Variants in DLG2 observed in about 807,000 individuals in gnomAD.
The protein encoded by DLG2 is disks large homolog 2.
Under a neutral mutation model 132.5 loss-of-function variants are expected in DLG2, and 45 were observed. The ratio of observed to expected loss-of-function variants is 0.34; its 90% confidence interval spans 0.27 to 0.44. DLG2 has a LOEUF of 0.44. DLG2 is among the 20% of genes least tolerant of loss of function. The probability of loss-of-function intolerance (pLI) is 1.00; values close to 1 mark genes in which losing one functional copy is unlikely to be tolerated. For missense variants in DLG2, 1,045 were observed against 1,196.9 expected, an observed-to-expected ratio of 0.87 and a Z score of 1.87; for synonymous variants, 424 against 419.6, an observed-to-expected ratio of 1.01 and a Z score of -0.13.
At chr11:83,784,410 T>C (rs1050400330) in intron 18 of DLG2, among the ~76,000 whole-genome samples, 7 of 152,238 alleles carry the variant, frequency 4.6e-5, no homozygotes, top group African/African-American at 1.7e-4. Flanking sequence ...TTGCTTGATG[T>C]TGCCATTACC....
chr11:84,219,597 T>C (rs1056454912), intron 8 of DLG2, among the ~76,000 whole-genome samples: 2 of 152,252 alleles, frequency 1.3e-5, no homozygotes, highest in African/African-American at 4.8e-5. Flanking sequence ...CTTACTGACC[T>C]ATATTTTTTC....
At chr11:83,820,338 C>A (rs1203432495) in intron 17 of DLG2, among the ~76,000 whole-genome samples, 1 of 152,122 alleles carries the variant, frequency 6.6e-6, no homozygotes, top group Non-Finnish European at 1.5e-5. Context: ...TTGGTTTCTT[C>A]ATAAAAAGTT....
chr11:84,806,339 C>T (rs1419112522), intron 6 of DLG2, among the ~76,000 whole-genome samples: 1 of 151,856 alleles, frequency 6.6e-6, no homozygotes, highest in East Asian at 1.9e-4. Context: ...TGAGCAAAAC[C>T]CAAATAGGAT....
chr11:83,462,270 C>T, intron 26 of DLG2, 177 bp from the exon 27 acceptor site: 2 of 552,810 alleles, frequency 3.6e-6, no homozygotes, highest in Non-Finnish European at 6.5e-6. Flanking sequence ...GGACTCACGG[C>T]CAGAAAGCTC....
At chr11:85,537,885 G>A (rs1354250458) in intron 3 of DLG2, among the ~76,000 whole-genome samples, 1 of 151,950 alleles carries the variant, frequency 6.6e-6, no homozygotes, top group African/African-American at 2.4e-5. Context: ...GGGAGGCCCA[G>A]GTGGGTGGAT....
intron 6 of DLG2, among the ~76,000 whole-genome samples, chr11:85,109,292 T>C (rs971668809): frequency 7.2e-5 from 11 of 152,122 alleles, no homozygotes; most frequent in Non-Finnish European, 1.3e-4. Context: ...AGTAAATTTA[T>C]GAAACCAGTA....
At chr11:83,541,972 A>T in intron 19 of DLG2, 114 bp from the exon 20 acceptor site, 1 of 961,910 alleles carries the variant, frequency 1.0e-6, no homozygotes, top group South Asian at 2.1e-5. Flanking sequence ...CTTGATATCA[A>T]CTCCCGGAAT....
intron 22 of DLG2, among the ~76,000 whole-genome samples, chr11:83,475,364 T>C (rs1224052333): frequency 6.6e-6 from 1 of 152,148 alleles, no homozygotes; most frequent in Admixed American, 6.6e-5. Flanking sequence ...CTGGCTTTTA[T>C]GTCTCACAGG....
chr11:84,223,959 C>A (rs1416660399), intron 8 of DLG2, among the ~76,000 whole-genome samples: 1 of 152,218 alleles, frequency 6.6e-6, no homozygotes, highest in Admixed American at 6.5e-5. Flanking sequence ...GGAACCCAGC[C>A]TACTTTAATG....
chr11:83,748,938 A>G (rs1307078406), intron 18 of DLG2, among the ~76,000 whole-genome samples: 2 of 152,240 alleles, frequency 1.3e-5, no homozygotes, highest in African/African-American at 2.4e-5. Context: ...CTTTTAAAAG[A>G]TCAATTTATC....
chr11:85,561,348 A>AAAAAAAAAAAAAAAAAAAAAAAAAAAAAG, intron 3 of DLG2, among the ~76,000 whole-genome samples: 1 of 143,860 alleles, frequency 7.0e-6, no homozygotes, highest in Admixed American at 7.0e-5. Context: ...AAAAAAAAAA[A>AAAAAAAAAAAAAAAAAAAAAAAAAAAAAG]AAAAAAAAAA....
intron 7 of DLG2, among the ~76,000 whole-genome samples, chr11:84,528,914 A>C (rs1187877291): frequency 6.6e-6 from 1 of 152,170 alleles, no homozygotes; most frequent in Non-Finnish European, 1.5e-5. Context: ...ATATCACAGT[A>C]CTGTGCTGGA....
intron 7 of DLG2, among the ~76,000 whole-genome samples, chr11:84,395,763 T>C (rs2098808869): frequency 6.6e-6 from 1 of 152,214 alleles, no homozygotes; most frequent in African/African-American, 2.4e-5. Context: ...TTGTACATGA[T>C]AAAAGCATAC....
chr11:85,064,953 A>AT (rs1407573039), intron 6 of DLG2, among the ~76,000 whole-genome samples: 2 of 151,480 alleles, frequency 1.3e-5, no homozygotes, highest in Non-Finnish European at 1.5e-5. Flanking sequence ...GGTGAAAAAT[A>AT]TTTTTATGTA....
intron 8 of DLG2, among the ~76,000 whole-genome samples, chr11:84,222,264 T>G (rs2096926833): frequency 6.6e-6 from 1 of 152,184 alleles, no homozygotes; most frequent in Admixed American, 6.5e-5. Flanking sequence ...ACTCCTGTCC[T>G]CAGGTGATCC....
chr11:84,974,977 C>T (rs1368952818), intron 6 of DLG2, among the ~76,000 whole-genome samples: 1 of 152,146 alleles, frequency 6.6e-6, no homozygotes, highest in Non-Finnish European at 1.5e-5. Context: ...AGATATTATT[C>T]TCAGATTTTA....
intron 14 of DLG2, among the ~76,000 whole-genome samples, chr11:83,953,552 G>C (rs983062318): frequency 6.6e-6 from 1 of 152,120 alleles, no homozygotes; most frequent in African/African-American, 2.4e-5. Context: ...AGTGGTCCCT[G>C]GTGCCAAAAA....
At chr11:83,792,188 T>C (rs2041755464) in intron 17 of DLG2, among the ~76,000 whole-genome samples, 1 of 152,206 alleles carries the variant, frequency 6.6e-6, no homozygotes, top group Non-Finnish European at 1.5e-5. Context: ...TCTGCTACTA[T>C]GAACACTTAT....
chr11:85,480,554 A>G (rs533434158), intron 3 of DLG2, among the ~76,000 whole-genome samples: 1 of 152,366 alleles, frequency 6.6e-6, no homozygotes, highest in South Asian at 2.1e-4. Flanking sequence ...TAAAACATAT[A>G]TTGTTTATGG....
Sources: allele counts gnomAD v4.1 joint callset (sites outside exome capture counted in the v4.1 genomes callset), GRCh38; gene constraint gnomAD v4.1.1; transcripts MANE v1.5; gene names NCBI Gene and HGNC (gene_info 2026-07-23, HGNC 2026-07-21).